Variants in TNR observed in about 807,000 individuals in gnomAD.
TNR encodes tenascin-R.
TNR carries 45 observed loss-of-function variants against 150.4 expected under a neutral mutation model. That is an observed-to-expected ratio of 0.30 (90% CI 0.24 to 0.38). The LOEUF (loss-of-function observed/expected upper bound fraction) is 0.38, where lower values mean the gene tolerates loss of function less well. TNR is among the 10% of genes least tolerant of loss of function. The pLI is 1.00. For missense variants in TNR, 1,544 were observed against 1,759.1 expected (o/e 0.88, Z 2.19); for synonymous variants, 687 against 678.4 (o/e 1.01, Z -0.20).
chr1:175,674,469 C>T (rs1427330728), intron 1 of TNR, among the ~76,000 whole-genome samples: 3 of 152,210 alleles, frequency 2.0e-5, no homozygotes, highest in African/African-American at 7.2e-5. Context: ...TTGCCCTTCT[C>T]TACCCTGCAG....
chr1:175,389,675 C>T (rs557183475), intron 7 of TNR, among the ~76,000 whole-genome samples: 86 of 152,282 alleles, frequency 5.6e-4, no homozygotes, highest in African/African-American at 1.9e-3. Flanking sequence ...AAATTTGTTA[C>T]GCTTTCTCTT....
At chr1:175,364,306 G>A (rs1651736636) in intron 12 of TNR, among the ~76,000 whole-genome samples, 1 of 148,550 alleles carries the variant, frequency 6.7e-6, no homozygotes, top group Non-Finnish European at 1.5e-5. Context: ...TTCCTAAATT[G>A]TATTTCATTT....
intron 1 of TNR, among the ~76,000 whole-genome samples, chr1:175,595,998 A>G (rs765383007): frequency 1.8e-4 from 27 of 152,240 alleles, no homozygotes; most frequent in Non-Finnish European, 3.1e-4. Context: ...TCAGAATCCT[A>G]TGGTTCTTCT....
intron 1 of TNR, among the ~76,000 whole-genome samples, chr1:175,717,030 T>C (rs1471867569): frequency 2.0e-5 from 3 of 152,200 alleles, no homozygotes; most frequent in Non-Finnish European, 4.4e-5. Flanking sequence ...ACATTAGCCA[T>C]AGTGTATGCC....
At chr1:175,628,441 C>T (rs1287105237) in intron 1 of TNR, among the ~76,000 whole-genome samples, 1 of 151,900 alleles carries the variant, frequency 6.6e-6, no homozygotes, top group Non-Finnish European at 1.5e-5. Flanking sequence ...GTGCAGCACA[C>T]CAGCATGGCA....
At chr1:175,625,083 A>G (rs903019144) in intron 1 of TNR, among the ~76,000 whole-genome samples, 1 of 152,200 alleles carries the variant, frequency 6.6e-6, no homozygotes, top group Admixed American at 6.5e-5. Context: ...GCAGCTTAAG[A>G]ACTCTAGGGA....
chr1:175,427,658 T>TTTCCTTCCTCCC (rs202062367), intron 2 of TNR, among the ~76,000 whole-genome samples: 35 of 116,632 alleles, frequency 3.0e-4, no homozygotes, highest in South Asian at 1.7e-3. Context: ...AAGTGTTTTG[T>TTTCCTTCCTCCC]TTCCTTCCTT....
At chr1:175,608,481 G>A (rs578246040) in intron 1 of TNR, among the ~76,000 whole-genome samples, 24 of 152,260 alleles carry the variant, frequency 1.6e-4, no homozygotes, top group African/African-American at 5.3e-4. Flanking sequence ...GGATAGGCAA[G>A]GATTTATTAA....
chr1:175,568,306 GT>G (rs11363778), intron 1 of TNR, among the ~76,000 whole-genome samples: 7,265 of 146,972 alleles, frequency 0.049, 601 homozygotes, highest in African/African-American at 0.17. Flanking sequence ...CCTAACTGCT[GT>G]TTTTTTTTTT....
chr1:175,408,533 GGAGCAGACCA>G (rs1654063417), intron 2 of TNR, among the ~76,000 whole-genome samples: 1 of 152,162 alleles, frequency 6.6e-6, no homozygotes, highest in Non-Finnish European at 1.5e-5. Flanking sequence ...ATATGGACAG[GGAGCAGACCA>G]GAGCAGAGCT....
At position 175,573,437 on chromosome 1, in the gene TNR, G is replaced by T. The variant is rs542818413; in HGVS notation, c.-164-45068C>A. ...GATCCTGGCTGCTGTTTTCTGGAGG[G>T]AGAAGGCCTGGCTTGCTAAGCAAAG... On this transcript the variant is annotated intron_variant, in intron 1 of 22. Coordinates refer to ENST00000367674, the MANE Select transcript of TNR (RefSeq NM_003285.3). Among the ~76,000 whole-genome samples, 291 of 152,296 alleles carry T rather than the reference G, an allele frequency of 1.9e-3. 1 individual carries two copies. Among genetic ancestry groups the T allele is most frequent in the Admixed American group, 4.4e-3 (67 of 15,304 alleles).
intron 18 of TNR, among the ~76,000 whole-genome samples, chr1:175,340,263 T>A (rs758181983): frequency 6.6e-6 from 1 of 152,202 alleles, no homozygotes; most frequent in African/African-American, 2.4e-5. Context: ...GAGGCAATGA[T>A]GCATCGTTGC....
chr1:175,587,174 T>G (rs1662607832), intron 1 of TNR, among the ~76,000 whole-genome samples: 1 of 152,222 alleles, frequency 6.6e-6, no homozygotes, highest in Admixed American at 6.5e-5. Flanking sequence ...CAGTGCAGCT[T>G]GGCAGATTAC....
chr1:175,366,127 G>T lies in TNR; in HGVS notation c.2065C>A (p.Pro689Thr), dbSNP rs774592195. ...TMNARTELDSPRDLMVTASSE... is the reference protein window; with the variant it reads ...TMNARTELDSTRDLMVTASSE... ...GAGGCTGTCACCATGAGGTCTCGGG[G>T]ACTGTCAAGTTCTGTGGATTGACAT... The change falls in exon 11 of 23, where the codon CCC (proline) becomes ACC (threonine). Residue 689 changes from proline to threonine, a missense_variant. Coordinates refer to ENST00000367674, the MANE Select transcript of TNR (RefSeq NM_003285.3). 5.0e-6 allele frequency: 8 copies of T among 1,606,400 alleles called. No homozygotes were observed. The South Asian group carries it at 8.9e-5, about 18-fold the overall frequency.
chr1:175,535,463 TTG>T (rs1557992188), intron 1 of TNR, among the ~76,000 whole-genome samples: 1 of 152,034 alleles, frequency 6.6e-6, no homozygotes, highest in Non-Finnish European at 1.5e-5. Context: ...GTTGTTGTTG[TTG>T]TTGTTGTTGT....
At chr1:175,374,487 T>C (rs1007449523) in intron 9 of TNR, among the ~76,000 whole-genome samples, 4 of 152,160 alleles carry the variant, frequency 2.6e-5, no homozygotes, top group African/African-American at 9.7e-5. Context: ...TGTATGTGCA[T>C]GTGAGTGTGC....
At chr1:175,457,273 G>T (rs1656608755) in intron 2 of TNR, among the ~76,000 whole-genome samples, 2 of 152,262 alleles carry the variant, frequency 1.3e-5, no homozygotes, top group Admixed American at 1.3e-4. Context: ...CAGACTCCTG[G>T]CAGATGCTGC....
chr1:175,335,705 C>A lies in TNR; in HGVS notation c.3631+6G>T, dbSNP rs866836555. ...ACATCAATGGAAAGCAATAAGGAGG[C>A]TTTACCCAGCCAGAACTCATCCTCC... On this transcript the variant is annotated splice_donor_region_variant and intron_variant, in intron 20 of 22. Coordinates refer to ENST00000367674, the MANE Select transcript of TNR (RefSeq NM_003285.3). 2 of 1,611,842 alleles carry A rather than the reference C, an allele frequency of 1.2e-6. No homozygotes were observed. Among genetic ancestry groups the A allele is most frequent in the East Asian group, 2.2e-5 (1 of 44,866 alleles).
intron 1 of TNR, among the ~76,000 whole-genome samples, chr1:175,677,637 G>A (rs916497346): frequency 1.3e-5 from 2 of 152,180 alleles, no homozygotes; most frequent in African/African-American, 4.8e-5. Context: ...AGGCAGGGAG[G>A]AGAAGAAGAT....
Sources: allele counts gnomAD v4.1 joint callset (sites outside exome capture counted in the v4.1 genomes callset), GRCh38; gene constraint gnomAD v4.1.1; transcripts MANE v1.5; gene names NCBI Gene and HGNC (gene_info 2026-07-23, HGNC 2026-07-21).